NUBPL: variants seen among roughly 807,000 people sequenced by gnomAD.
The protein encoded by NUBPL is NUBP iron-sulfur cluster assembly factor, mitochondrial, also known as iron-sulfur cluster transfer protein NUBPL.
A neutral mutation model predicts 45.7 loss-of-function variants in NUBPL; 31 were observed. The ratio of observed to expected loss-of-function variants is 0.68; its 90% CI spans 0.51 to 0.92. NUBPL has a LOEUF of 0.92. Ranked by LOEUF, NUBPL falls within the 40% of genes least tolerant of loss-of-function variation. The pLI is 0.00. For synonymous variants in NUBPL, 144 were observed against 140.9 expected (o/e 1.02, Z -0.15); for missense variants, 401 against 398.7 (o/e 1.01, Z -0.05).
rs1129622 is a variant in NUBPL, at chr14:31,860,865, A to T, written c.*1685A>T. 1 of 151,766 alleles carries T rather than the reference A, an allele frequency of 6.6e-6. No individual in the cohort carries two copies. Among genetic ancestry groups the T allele is most frequent in the Middle Eastern group, 3.4e-3 (1 of 294 alleles). 9.4% of individuals were successfully genotyped at this position (151,766 alleles called of 1,614,324 possible). On this transcript the variant is annotated 3_prime_UTR_variant, in exon 11 of 11. Coordinates refer to ENST00000281081, the MANE Select transcript of NUBPL (RefSeq NM_025152.3). ...CTTATAATTCCAGAGAATTATGCTG[A>T]ATGAAAAAGGCCAATTTAAAAAGGT... is the stretch of plus-strand genomic sequence containing the variant.
At chr14:31,671,963 C>T (rs1353383431) in intron 4 of NUBPL, among the ~76,000 whole-genome samples, 1 of 152,114 alleles carries the variant, frequency 6.6e-6, no homozygotes, top group African/African-American at 2.4e-5. Context: ...AGACTTTTTG[C>T]CCAATACTTG....
At chr14:31,726,468 G>A (rs557513265) in intron 6 of NUBPL, among the ~76,000 whole-genome samples, 6 of 152,150 alleles carry the variant, frequency 3.9e-5, no homozygotes, top group Non-Finnish European at 5.9e-5. Flanking sequence ...TCTATCAGTG[G>A]AACTGTTTGC....
chr14:31,696,451 C>T (rs12878022), intron 6 of NUBPL, among the ~76,000 whole-genome samples: 55,899 of 152,068 alleles, frequency 0.37, 12,637 homozygotes, highest in East Asian at 0.59. Flanking sequence ...CAAGGTTATG[C>T]TTCTTTATCT....
chr14:31,781,391 A>G (rs1178799147), intron 6 of NUBPL, among the ~76,000 whole-genome samples: 1 of 152,240 alleles, frequency 6.6e-6, no homozygotes, highest in Non-Finnish European at 1.5e-5. Context: ...GTTACATGAA[A>G]CAGTGCAGAC....
At chr14:31,759,590 T>G (rs2138720741) in intron 6 of NUBPL, among the ~76,000 whole-genome samples, 1 of 152,192 alleles carries the variant, frequency 6.6e-6, no homozygotes, top group South Asian at 2.1e-4. Flanking sequence ...ATAGTAATTT[T>G]CAACTACATA....
intron 6 of NUBPL, among the ~76,000 whole-genome samples, chr14:31,753,243 C>T (rs1406617507): frequency 6.6e-6 from 1 of 152,150 alleles, no homozygotes; most frequent in Non-Finnish European, 1.5e-5. Flanking sequence ...CTCCACTGGT[C>T]ACAGGGCCAT....
intron 7 of NUBPL, among the ~76,000 whole-genome samples, chr14:31,788,405 C>A (rs1022247517): frequency 1.3e-5 from 2 of 152,188 alleles, no homozygotes; most frequent in African/African-American, 4.8e-5. Flanking sequence ...TTGTCTTTGG[C>A]TAGTTTCCCA....
chr14:31,748,821 C>T (rs930222324), intron 6 of NUBPL, among the ~76,000 whole-genome samples: 1 of 152,050 alleles, frequency 6.6e-6, no homozygotes, highest in Non-Finnish European at 1.5e-5. Flanking sequence ...CCATGATGGC[C>T]AGGCTGGTCT....
At chr14:31,850,433 G>T (rs2139003791) in intron 10 of NUBPL, among the ~76,000 whole-genome samples, 1 of 152,218 alleles carries the variant, frequency 6.6e-6, no homozygotes, top group South Asian at 2.1e-4. Context: ...CACCCAACCA[G>T]TTTTCTCAAG....
intron 6 of NUBPL, among the ~76,000 whole-genome samples, chr14:31,701,348 C>G (rs1052389568): frequency 8.5e-5 from 13 of 152,160 alleles, no homozygotes; most frequent in Admixed American, 5.9e-4. Context: ...CGTAAACGCA[C>G]CAGTCAGCAC....
At chr14:31,770,555 C>A in intron 6 of NUBPL, among the ~76,000 whole-genome samples, 1 of 152,284 alleles carries the variant, frequency 6.6e-6, no homozygotes, top group South Asian at 2.1e-4. Flanking sequence ...GAGGAAGTTA[C>A]GAAACTTGTG....
chr14:31,599,428 A>G (rs996896251), intron 4 of NUBPL, 49 bp downstream of exon 4: 1 of 1,259,856 alleles, frequency 7.9e-7, no homozygotes, highest in South Asian at 1.2e-5. Context: ...ACTTTTATTA[A>G]TACTTACTGG....
chr14:31,792,829 A>G (rs967440931), intron 7 of NUBPL, among the ~76,000 whole-genome samples: 8 of 152,292 alleles, frequency 5.3e-5, no homozygotes, highest in Non-Finnish European at 8.8e-5. Flanking sequence ...TATTCAGGCC[A>G]GTGTCATTTC....
chr14:31,706,558 C>T (rs1367034034), intron 6 of NUBPL, among the ~76,000 whole-genome samples: 3 of 152,180 alleles, frequency 2.0e-5, no homozygotes, highest in Non-Finnish European at 4.4e-5. Flanking sequence ...GAAGCCTTTT[C>T]CTGTAAATGC....
intron 4 of NUBPL, among the ~76,000 whole-genome samples, chr14:31,640,420 C>A (rs1483240958): frequency 6.6e-6 from 1 of 151,898 alleles, no homozygotes; most frequent in African/African-American, 2.4e-5. Context: ...GCCAACATGG[C>A]AAAACCCTGT....
intron 4 of NUBPL, among the ~76,000 whole-genome samples, chr14:31,652,024 T>A (rs1271633901): frequency 2.0e-5 from 3 of 151,888 alleles, no homozygotes; most frequent in African/African-American, 7.3e-5. Context: ...TGTCCATCAA[T>A]GAATGAATGG....
intron 4 of NUBPL, among the ~76,000 whole-genome samples, chr14:31,644,123 CT>C (rs2035781581): frequency 6.6e-6 from 1 of 151,736 alleles, no homozygotes; most frequent in African/African-American, 2.4e-5. Context: ...TTCTGGGTTT[CT>C]TTCAGTATCA....
In NUBPL at chr14:31,735,716, G is replaced by A. The variant is rs186503073; in HGVS notation, c.514-52064G>A. Among the ~76,000 whole-genome samples, 26 of 152,254 alleles carry A rather than the reference G, an allele frequency of 1.7e-4. 1 individual carries two copies. The highest frequency in any genetic ancestry group is 3.6e-4 in the African/African-American group (15 of 41,552). On this transcript the variant is annotated intron_variant, in intron 6 of 10. Transcript: ENST00000281081. ...AAAATATAAAAATTAGCCGGGCGTC[G>A]TCGCGCATGCCTGTAATCCCAGCTA...
intron 3 of NUBPL, among the ~76,000 whole-genome samples, chr14:31,575,919 CT>C (rs1272866749): frequency 2.6e-5 from 4 of 152,078 alleles, no homozygotes; most frequent in Non-Finnish European, 5.9e-5. Flanking sequence ...TTATTTTTTG[CT>C]TTTTGCTTGT....
Sources: gnomAD v4.1 joint callset for allele counts (sites outside exome capture counted in the v4.1 genomes callset) on GRCh38, gnomAD v4.1.1 for gene constraint, MANE v1.5 for transcripts, NCBI Gene and HGNC (gene_info 2026-07-23, HGNC 2026-07-21) for gene names.